The following YTHDF2 variants were observed in gnomAD, a reference collection of about 807,000 sequenced individuals.
YTHDF2 encodes YTH domain-containing family protein 2.
Under a neutral mutation model 50.4 loss-of-function variants are expected in YTHDF2, and 2 were observed. The observed-to-expected ratio is 0.04, with a 90% CI of 0.02 to 0.12. The LOEUF (loss-of-function observed/expected upper bound fraction) is 0.12, where lower values mean the gene tolerates loss of function less well. YTHDF2 is among the 10% of genes least tolerant of loss of function. The pLI is 1.00. For missense variants in YTHDF2, 483 were observed against 722.6 expected (o/e 0.67, Z 3.80); for synonymous variants, 217 against 255.6 (o/e 0.85, Z 1.44).
intron 3 of YTHDF2, chr1:28,739,235 T>C (rs2124625862): frequency 6.6e-6 from 1 of 152,200 alleles, no homozygotes; most frequent in East Asian, 1.9e-4. Flanking sequence ...CTTCATTCAG[T>C]GCTGCAGGAC....
intron 4 of YTHDF2, among the ~76,000 whole-genome samples, chr1:28,751,937 A>G (rs2087959328): frequency 6.6e-6 from 1 of 152,238 alleles, no homozygotes; most frequent in African/African-American, 2.4e-5. Context: ...AAATGGCAGC[A>G]CAGTGCTTGG....
intron 4 of YTHDF2, among the ~76,000 whole-genome samples, chr1:28,756,623 G>A (rs953272468): frequency 2.6e-5 from 4 of 152,122 alleles, no homozygotes; most frequent in African/African-American, 9.7e-5. Flanking sequence ...AATGATGCAT[G>A]GAAGATGAGG....
chr1:28,746,994 A>T (rs2087873180), intron 4 of YTHDF2, among the ~76,000 whole-genome samples: 1 of 151,880 alleles, frequency 6.6e-6, no homozygotes. Context: ...AGGCAGGAGA[A>T]TCGCTTACAC....
chr1:28,737,494 T>G, intron 1 of YTHDF2, 164 bp from the exon 2 acceptor site: 2 of 983,346 alleles, frequency 2.0e-6, no homozygotes, highest in Non-Finnish European at 2.9e-6. Flanking sequence ...GGCCTGGCGC[T>G]TTCCCCCGCC....
At chr1:28,761,477 C>T (rs747596294) in intron 4 of YTHDF2, among the ~76,000 whole-genome samples, 2 of 152,136 alleles carry the variant, frequency 1.3e-5, no homozygotes, top group Non-Finnish European at 2.9e-5. Context: ...TGGCCCATGC[C>T]TGTAATCCCA....
Position 28,738,323 on chromosome 1 carries a change from T to G in YTHDF2, c.117T>G (p.Ser39Arg). The change falls in exon 3 of 5, where the codon AGT (serine) becomes AGG (arginine). Residue 39 changes from serine to arginine, a missense_variant. Coordinates refer to ENST00000373812, the MANE Select transcript of YTHDF2 (RefSeq NM_016258.3). ...LNDDDFEPYL[S>R]PQARPNNAYT... ...ATGATGATTTTGAACCTTACTTGAG[T>G]CCACAGGCAAGGCCCGTGAGTAGTT... The G allele has an allele frequency of 6.2e-7, 1 of 1,614,018 alleles. No individual in the cohort carries two copies. The highest frequency in any genetic ancestry group is 8.5e-7 in the Non-Finnish European group (1 of 1,179,890).
intron 4 of YTHDF2, among the ~76,000 whole-genome samples, chr1:28,746,376 G>A (rs2087860714): frequency 6.6e-6 from 1 of 152,116 alleles, no homozygotes. Flanking sequence ...AGGGCCAGTG[G>A]GGAAATACAG....
At chr1:28,748,524 C>T (rs1450852873) in intron 4 of YTHDF2, among the ~76,000 whole-genome samples, 1 of 152,166 alleles carries the variant, frequency 6.6e-6, no homozygotes, top group Non-Finnish European at 1.5e-5. Flanking sequence ...AGTATCTTGG[C>T]AGAACACACT....
chr1:28,768,445 A>C (rs2088253503), intron 4 of YTHDF2, among the ~76,000 whole-genome samples: 1 of 151,748 alleles, frequency 6.6e-6, no homozygotes, highest in African/African-American at 2.4e-5. Flanking sequence ...TCAGCTTATT[A>C]ATTCTCCATA....
chr1:28,760,998 T>C (rs1461404338), intron 4 of YTHDF2, among the ~76,000 whole-genome samples: 1 of 152,242 alleles, frequency 6.6e-6, no homozygotes, highest in Non-Finnish European at 1.5e-5. Context: ...TAATGTTTTG[T>C]GCTACATCCT....
chr1:28,753,453 C>T (rs2124189028), intron 4 of YTHDF2, among the ~76,000 whole-genome samples: 1 of 139,964 alleles, frequency 7.1e-6, no homozygotes, highest in South Asian at 2.3e-4. Context: ...GAGGCTGAGA[C>T]AGGAGGATTG....
chr1:28,744,759 T>C (rs931256550), intron 4 of YTHDF2, among the ~76,000 whole-genome samples: 2 of 152,146 alleles, frequency 1.3e-5, no homozygotes, highest in South Asian at 2.1e-4. Context: ...GCCTCCACCT[T>C]CTGGGCTCAA....
At chr1:28,760,754 A>T (rs981807887) in intron 4 of YTHDF2, among the ~76,000 whole-genome samples, 4 of 151,934 alleles carry the variant, frequency 2.6e-5, no homozygotes, top group Non-Finnish European at 5.9e-5. Flanking sequence ...CTGATTTTGT[A>T]TTTATGGTAG....
At position 28,738,133 on chromosome 1, in the gene YTHDF2, C is replaced by T. The variant is rs2087723238; in HGVS notation, c.53-126C>T. The T allele has an allele frequency of 8.3e-6, 6 of 719,304 alleles. No homozygotes were observed. In the South Asian group the frequency reaches 1.1e-4, roughly 13 times the overall value. The allele number at this position is 719,304 out of a possible 1,614,324, so 44.6% of individuals were successfully genotyped here. ...TCAGCATTCACTGTCATCTCTTACC[C>T]TTTTGAAGTTCAATCTTACGTGCTT... On this transcript the variant is annotated intron_variant, in intron 2 of 4. Coordinates refer to ENST00000373812, the MANE Select transcript of YTHDF2 (RefSeq NM_016258.3).
intron 4 of YTHDF2, among the ~76,000 whole-genome samples, chr1:28,766,976 C>A (rs2088228966): frequency 2.0e-5 from 3 of 151,408 alleles, no homozygotes; most frequent in Non-Finnish European, 4.4e-5. Context: ...GGACCACAGG[C>A]ACATGCCACC....
intron 1 of YTHDF2, 99 bp from the exon 2 acceptor site, chr1:28,737,559 C>G (rs1225810757): frequency 7.1e-6 from 11 of 1,542,982 alleles, no homozygotes; most frequent in Non-Finnish European, 9.8e-6. Flanking sequence ...CTCGGGCCTG[C>G]TCCTTTATTC....
rs778053711 is a variant in YTHDF2, at chr1:28,742,564, C to T, written c.294C>T (p.His98=). ...GACAGCTGAGCAACGGAGAGCCCCA[C>T]TTCCTACCAGATGCAATGTTTGGGC... ...SYGQLSNGEP[H]FLPDAMFGQP... The change falls in exon 4 of 5, where the codon CAC becomes CAT. Residue 98 remains histidine (H), a synonymous_variant. Coordinates refer to ENST00000373812, the MANE Select transcript of YTHDF2 (RefSeq NM_016258.3). 15 of 1,613,966 alleles carry T rather than the reference C, an allele frequency of 9.3e-6. No individual in the cohort carries two copies. The South Asian group carries it at 1.6e-4, about 18-fold the overall frequency.
rs533858553 is a variant in YTHDF2 at position 28,764,871 on chromosome 1, G to GT, written c.1717-4048dup. Reference sequence around the variant, plus strand: ...AATGTTTTTTTGTTTTTTGTTTTTTGTTTTTTTTTTAAGATGAGGTCTCGC... The same window carrying GT: ...AATGTTTTTTTGTTTTTTGTTTTTTGTTTTTTTTTTTAAGATGAGGTCTCGC... On this transcript the variant is annotated intron_variant, in intron 4 of 4. Transcript: ENST00000373812. 1.6e-3 allele frequency among the ~76,000 whole-genome samples: 237 copies of GT among 147,970 alleles called. 1 individual carries two copies. The highest frequency in any genetic ancestry group is 3.1e-3 in the African/African-American group (127 of 40,378).
intron 4 of YTHDF2, among the ~76,000 whole-genome samples, chr1:28,750,469 G>T (rs2087933979): frequency 2.0e-5 from 3 of 152,104 alleles, no homozygotes; most frequent in Admixed American, 6.6e-5. Flanking sequence ...TTGTAGAGGG[G>T]GTTCATACAT....
Sources: allele counts gnomAD v4.1 joint callset (sites outside exome capture counted in the v4.1 genomes callset), GRCh38; gene constraint gnomAD v4.1.1; transcripts MANE v1.5; gene names NCBI Gene and HGNC (gene_info 2026-07-23, HGNC 2026-07-21).